NHLRC2: variants seen among roughly 807,000 people sequenced by gnomAD.
NHLRC2 encodes NHL repeat containing 2, also known as NHL repeat-containing protein 2.
In NHLRC2, 33 loss-of-function variants were observed where a neutral mutation model predicts 68.1. That is an observed-to-expected ratio of 0.48 (90% confidence interval 0.37 to 0.65). NHLRC2 has a LOEUF of 0.65. Among genes scored for constraint, NHLRC2 ranks in the 30% least tolerant of loss-of-function variants. The probability of loss-of-function intolerance (pLI) is 0.00; values close to 1 mark genes in which losing one functional copy is unlikely to be tolerated. For synonymous variants in NHLRC2, 311 were observed against 309.6 expected (o/e 1.00, Z -0.05); for missense variants, 761 against 853.8 (o/e 0.89, Z 1.35).
chr10:113,897,520 CT>C (rs1376497443), intron 5 of NHLRC2, among the ~76,000 whole-genome samples: 2 of 152,236 alleles, frequency 1.3e-5, no homozygotes, highest in African/African-American at 4.8e-5. Flanking sequence ...CCAAGCATTA[CT>C]CTAAGTGCAT....
intron 1 of NHLRC2, among the ~76,000 whole-genome samples, chr10:113,857,048 GATT>G (rs1845767027): frequency 1.3e-5 from 2 of 152,138 alleles, no homozygotes; most frequent in South Asian, 4.1e-4. Flanking sequence ...TACCTTTCAG[GATT>G]ATTATTTGTA....
chr10:113,863,374 C>T (rs1014561327), intron 2 of NHLRC2, among the ~76,000 whole-genome samples: 1 of 151,828 alleles, frequency 6.6e-6, no homozygotes, highest in Non-Finnish European at 1.5e-5. Flanking sequence ...ACCAGTGGAC[C>T]AAAGAAGAAA....
intron 2 of NHLRC2, among the ~76,000 whole-genome samples, chr10:113,865,711 A>G (rs1026821304): frequency 1.3e-5 from 2 of 151,662 alleles, no homozygotes; most frequent in Non-Finnish European, 2.9e-5. Context: ...TAGTCTCAAC[A>G]TTGTATTTCA....
At chr10:113,900,411 T>C (rs911429829) in intron 6 of NHLRC2, among the ~76,000 whole-genome samples, 1 of 152,188 alleles carries the variant, frequency 6.6e-6, no homozygotes, top group Admixed American at 6.5e-5. Context: ...GGGTGATGGC[T>C]GTTTTAGGCA....
At chr10:113,863,719 T>G (rs970775375) in intron 2 of NHLRC2, among the ~76,000 whole-genome samples, 1 of 152,080 alleles carries the variant, frequency 6.6e-6, no homozygotes, top group Non-Finnish European at 1.5e-5. Context: ...TTCCTAGACC[T>G]TTAGCTAGCT....
At chr10:113,875,821 T>C (rs919121580) in intron 2 of NHLRC2, among the ~76,000 whole-genome samples, 1 of 152,104 alleles carries the variant, frequency 6.6e-6, no homozygotes, top group Non-Finnish European at 1.5e-5. Context: ...TTTTGGTGGA[T>C]GTGTTGGGAG....
In NHLRC2 at chr10:113,916,651, C is replaced by A. The variant is rs1256969157; in HGVS notation, c.*8115C>A. ...CAAATGAAAGTTTGCTGTGTGATTG[C>A]AGTTTTAAATTATAACATTTCATAA... On this transcript the variant is annotated 3_prime_UTR_variant, in exon 11 of 11. Coordinates refer to ENST00000369301, the MANE Select transcript of NHLRC2 (RefSeq NM_198514.4). 1 of 152,052 alleles carries A rather than the reference C, an allele frequency of 6.6e-6. No individual in the cohort carries two copies. Among genetic ancestry groups the A allele is most frequent in the Admixed American group, 6.6e-5 (1 of 15,250 alleles). 9.4% of individuals were successfully genotyped at this position (152,052 alleles called of 1,614,324 possible).
At chr10:113,884,230 C>T in intron 4 of NHLRC2, 21 bp from the exon 5 acceptor site, 2 of 1,598,378 alleles carry the variant, frequency 1.3e-6, no homozygotes, top group Non-Finnish European at 8.5e-7. Flanking sequence ...TTGCATAAAA[C>T]CATCCTTTGA....
chr10:113,888,561 AC>A (rs1846103277), intron 5 of NHLRC2, among the ~76,000 whole-genome samples: 1 of 152,220 alleles, frequency 6.6e-6, no homozygotes, highest in African/African-American at 2.4e-5. Flanking sequence ...TGAATATTTA[AC>A]CTGACTATGC....
intron 4 of NHLRC2, among the ~76,000 whole-genome samples, chr10:113,883,039 C>T (rs1453371815): frequency 6.6e-6 from 1 of 151,698 alleles, no homozygotes; most frequent in East Asian, 1.9e-4. Context: ...TGTCTTTATG[C>T]CAGTACCTTA....
chr10:113,861,909 T>C (rs1402939935), intron 2 of NHLRC2, among the ~76,000 whole-genome samples: 2 of 152,166 alleles, frequency 1.3e-5, no homozygotes, highest in Non-Finnish European at 2.9e-5. Flanking sequence ...AGTCTTGCTC[T>C]ATTCCCCAGG....
chr10:113,908,652 C>A lies in NHLRC2; in HGVS notation c.*116C>A. The A allele has an allele frequency of 1.1e-6, 1 of 888,274 alleles. No individual in the cohort carries two copies. The highest frequency in any genetic ancestry group is 1.7e-6 in the Non-Finnish European group (1 of 573,998). 55.0% of individuals were successfully genotyped at this position (888,274 alleles called of 1,614,324 possible). ...CCTCTGGATACCAAGATGCCCATTG[C>A]TCAGTTCAGACAACTGATATTAAAA... On this transcript the variant is annotated 3_prime_UTR_variant, in exon 11 of 11. Transcript: ENST00000369301.
In NHLRC2 at chr10:113,908,374, C is replaced by G; in HGVS notation, c.2019C>G (p.Cys673Trp). ...PTISLQIPDD[C>W]LSLEAIVSVS... The stretch of plus-strand genomic sequence containing the variant: ...TTTCACTACAAATTCCTGATGATTG[C>G]TTATCACTTGAAGCCATTGTATCTG... Residue 673 changes from cysteine (C) to tryptophan (W), a missense_variant, in exon 11 of 11, where the codon TGC (cysteine) becomes TGG (tryptophan). Coordinates refer to ENST00000369301, the MANE Select transcript of NHLRC2 (RefSeq NM_198514.4). The G allele has an allele frequency of 6.2e-7, 1 of 1,613,894 alleles. No homozygotes were observed.
At chr10:113,896,335 C>A (rs559713894) in intron 5 of NHLRC2, among the ~76,000 whole-genome samples, 55 of 151,920 alleles carry the variant, frequency 3.6e-4, no homozygotes, top group African/African-American at 1.3e-3. Flanking sequence ...ACTATGCAGC[C>A]ATAAAAAAGG....
chr10:113,906,428 T>TA (rs1441029408), intron 10 of NHLRC2, among the ~76,000 whole-genome samples: 13 of 152,130 alleles, frequency 8.5e-5, no homozygotes, highest in Admixed American at 2.6e-4. Context: ...TTTGTACACT[T>TA]ATGTTTAAAG....
At chr10:113,855,792 C>T (rs1292669670) in intron 1 of NHLRC2, among the ~76,000 whole-genome samples, 1 of 152,206 alleles carries the variant, frequency 6.6e-6, no homozygotes, top group Non-Finnish European at 1.5e-5. Flanking sequence ...AGCCACCGCG[C>T]CCGGCCTGCC....
intron 2 of NHLRC2, among the ~76,000 whole-genome samples, chr10:113,867,997 T>G (rs1024080060): frequency 6.6e-6 from 1 of 152,192 alleles, no homozygotes; most frequent in African/African-American, 2.4e-5. Context: ...TGTTTTTTGT[T>G]GGTTAGTCAG....
At chr10:113,865,817 T>C (rs904187201) in intron 2 of NHLRC2, among the ~76,000 whole-genome samples, 1 of 152,200 alleles carries the variant, frequency 6.6e-6, no homozygotes. Flanking sequence ...TTCATATTCA[T>C]AAAAGCAGAC....
intron 5 of NHLRC2, among the ~76,000 whole-genome samples, chr10:113,896,342 A>G (rs964778759): frequency 6.6e-6 from 1 of 152,074 alleles, no homozygotes; most frequent in African/African-American, 2.4e-5. Context: ...AGCCATAAAA[A>G]AGGATGAGTT....
Sources: allele counts gnomAD v4.1 joint callset (sites outside exome capture counted in the v4.1 genomes callset), GRCh38; gene constraint gnomAD v4.1.1; transcripts MANE v1.5; gene names NCBI Gene and HGNC (gene_info 2026-07-23, HGNC 2026-07-21).